Variants in CD47 observed in about 807,000 individuals in gnomAD.
CD47 encodes the protein leukocyte surface antigen CD47.
A neutral mutation model predicts 44.6 loss-of-function variants in CD47; 11 were observed. That is an observed-to-expected ratio of 0.25 (90% confidence interval 0.16 to 0.41). The LOEUF (loss-of-function observed/expected upper bound fraction) is 0.41. Ranked by LOEUF, CD47 falls within the 10% of genes least tolerant of loss-of-function variation. CD47 has a pLI of 1.00. For missense variants in CD47, 306 were observed against 386.7 expected (o/e 0.79, Z 1.75); for synonymous variants, 140 against 136.3 (o/e 1.03, Z -0.19).
At chr3:108,080,718 T>C (rs929997596) in intron 1 of CD47, among the ~76,000 whole-genome samples, 1 of 151,868 alleles carries the variant, frequency 6.6e-6, no homozygotes, top group Non-Finnish European at 1.5e-5. Flanking sequence ...CTTATCAAGG[T>C]AAAATTTTGA....
At chr3:108,083,695 T>C (rs1025180905) in intron 1 of CD47, among the ~76,000 whole-genome samples, 2 of 151,982 alleles carry the variant, frequency 1.3e-5, no homozygotes, top group Non-Finnish European at 2.9e-5. Context: ...GGGCCTTCAA[T>C]CTTTACCATT....
At chr3:108,090,754 GC>G in intron 1 of CD47, 108 bp downstream of exon 1, 1 of 1,017,184 alleles carries the variant, frequency 9.8e-7, no homozygotes, top group Non-Finnish European at 1.3e-6. Context: ...AGTGTTCTGC[GC>G]CCCGGCCACC....
At chr3:108,059,803 G>A in intron 4 of CD47, among the ~76,000 whole-genome samples, 1 of 152,110 alleles carries the variant, frequency 6.6e-6, no homozygotes, top group Non-Finnish European at 1.5e-5. Flanking sequence ...GAGAAACTGT[G>A]TATTCATCTT....
intron 3 of CD47, among the ~76,000 whole-genome samples, chr3:108,061,354 GGTTA>G (rs1352385703): frequency 6.6e-6 from 1 of 151,440 alleles, no homozygotes; most frequent in East Asian, 1.9e-4. Context: ...GGAAATAATG[GGTTA>G]ATTAACAATA....
intron 3 of CD47, among the ~76,000 whole-genome samples, chr3:108,064,347 C>G (rs1352856251): frequency 6.6e-6 from 1 of 152,166 alleles, no homozygotes; most frequent in African/African-American, 2.4e-5. Context: ...AAGGCCTACT[C>G]TACTCTAAGA....
intron 3 of CD47, among the ~76,000 whole-genome samples, chr3:108,065,881 C>T (rs969862170): frequency 1.4e-5 from 2 of 144,502 alleles, no homozygotes; most frequent in African/African-American, 5.2e-5. Context: ...GTCTTATTAC[C>T]AGGGGCCATC....
At position 108,046,218 on chromosome 3, in the gene CD47, C is replaced by T. The variant is rs1265831053; in HGVS notation, c.*1070G>A. 6.6e-6 allele frequency: 1 copy of T among 152,636 alleles called. No homozygotes were observed. The highest frequency in any genetic ancestry group is 1.5e-5 in the Non-Finnish European group (1 of 68,044). 9.5% of individuals were successfully genotyped at this position (152,636 alleles called of 1,614,324 possible). ...GAATGTTTATCATGCAACATAGATA[C>T]AACAGTAATAAATCCCCATTCAAGG... On this transcript the variant is annotated 3_prime_UTR_variant, in exon 11 of 11. Transcript: ENST00000361309.
rs1294058996 is a variant in CD47, at chr3:108,044,623, T to C, written c.*2665A>G. 6.6e-6 allele frequency: 1 copy of C among 151,964 alleles called. No individual in the cohort carries two copies. Among genetic ancestry groups the C allele is most frequent in the Non-Finnish European group, 1.5e-5 (1 of 68,006 alleles). The allele number at this position is 151,964 out of a possible 1,614,324, so 9.4% of individuals were successfully genotyped here. On this transcript the variant is annotated 3_prime_UTR_variant, in exon 11 of 11. Coordinates refer to ENST00000361309, the MANE Select transcript of CD47 (RefSeq NM_001777.4). ...AAAGCTCTAGCTATAGAAGGAATTT[T>C]AAAATCAAGGAGAAGAGCAAGGCCA... is the stretch of plus-strand genomic sequence containing the variant.
At chr3:108,059,042 T>C (rs2078967068) in intron 5 of CD47, among the ~76,000 whole-genome samples, 1 of 152,222 alleles carries the variant, frequency 6.6e-6, no homozygotes, top group South Asian at 2.1e-4. Context: ...TTAAAACAAA[T>C]ATGTTTCTAC....
At chr3:108,054,072 C>T (rs2078874072) in intron 7 of CD47, 1 of 152,066 alleles carries the variant, frequency 6.6e-6, no homozygotes, top group African/African-American at 2.4e-5. Context: ...CATTTTTGAG[C>T]TCATAAATGT....
At chr3:108,050,807 T>C in intron 8 of CD47, 1 of 503,626 alleles carries the variant, frequency 2.0e-6, no homozygotes, top group South Asian at 1.9e-5. Context: ...TAATAATAAC[T>C]GTATTATTCT....
intron 3 of CD47, among the ~76,000 whole-genome samples, chr3:108,069,527 T>TG (rs1270278393): frequency 6.6e-6 from 1 of 151,810 alleles, no homozygotes; most frequent in Non-Finnish European, 1.5e-5. Context: ...TTTTTTTTTT[T>TG]TTAAATAACT....
chr3:108,066,020 A>G (rs1308120168), intron 3 of CD47, among the ~76,000 whole-genome samples: 3 of 152,082 alleles, frequency 2.0e-5, no homozygotes, highest in African/African-American at 7.2e-5. Flanking sequence ...TCTATGAAGA[A>G]ATTTCCTGTT....
chr3:108,048,332 C>A (rs965390965), intron 10 of CD47, among the ~76,000 whole-genome samples: 2 of 146,864 alleles, frequency 1.4e-5, no homozygotes, highest in Non-Finnish European at 3.0e-5. Flanking sequence ...GCTGAATACA[C>A]GTTGTTTTAA....
intron 1 of CD47, among the ~76,000 whole-genome samples, chr3:108,084,175 A>T (rs1366392104): frequency 6.6e-6 from 1 of 151,962 alleles, no homozygotes; most frequent in Non-Finnish European, 1.5e-5. Flanking sequence ...TTCACTCCTT[A>T]AATCTGTTAC....
intron 5 of CD47, 151 bp downstream of exon 5, chr3:108,059,301 T>C (rs2078971110): frequency 2.4e-6 from 1 of 420,562 alleles, no homozygotes; most frequent in Non-Finnish European, 4.3e-6. Context: ...TTAATATGAA[T>C]GGGAAAATGT....
At chr3:108,049,493 T>C (rs773683128) in intron 10 of CD47, 126 bp downstream of exon 10, 18 of 703,922 alleles carry the variant, frequency 2.6e-5, no homozygotes, top group Middle Eastern at 3.7e-4. Context: ...CATCAAGAAA[T>C]GTGAACCTTT....
At chr3:108,076,332 A>G (rs1231324813) in intron 2 of CD47, among the ~76,000 whole-genome samples, 2 of 152,174 alleles carry the variant, frequency 1.3e-5, no homozygotes, top group African/African-American at 2.4e-5. Flanking sequence ...ACTTGAACTG[A>G]CCTTTCTAAA....
intron 2 of CD47, among the ~76,000 whole-genome samples, chr3:108,074,758 G>A (rs1168891759): frequency 6.6e-6 from 1 of 151,426 alleles, no homozygotes; most frequent in Non-Finnish European, 1.5e-5. Flanking sequence ...GATTCTCTCA[G>A]TTTGAAATCA....
Sources: allele counts gnomAD v4.1 joint callset (sites outside exome capture counted in the v4.1 genomes callset), GRCh38; gene constraint gnomAD v4.1.1; transcripts MANE v1.5; gene names NCBI Gene and HGNC (gene_info 2026-07-23, HGNC 2026-07-21).